PTPRD: variants seen among roughly 807,000 people sequenced by gnomAD.
PTPRD encodes the protein receptor-type tyrosine-protein phosphatase delta.
A neutral mutation model predicts 214.5 loss-of-function variants in PTPRD; 34 were observed. That is an observed-to-expected ratio of 0.16 (90% CI 0.12 to 0.21). The LOEUF is 0.21. PTPRD is among the 10% of genes least tolerant of loss of function. PTPRD has a pLI of 1.00. For synonymous variants in PTPRD, 1,128 were observed against 845.7 expected, an observed-to-expected ratio of 1.33 and a Z score of -5.79; for missense variants, 2,545 against 2,398.7, an observed-to-expected ratio of 1.06 and a Z score of -1.27.
chr9:9,920,421 G>A (rs1602176394), intron 5 of PTPRD, among the ~76,000 whole-genome samples: 1 of 152,068 alleles, frequency 6.6e-6, no homozygotes, highest in African/African-American at 2.4e-5. Context: ...ATTTCTCACT[G>A]ATGTTGAAAA....
At chr9:9,319,617 T>A (rs1965368352) in intron 9 of PTPRD, among the ~76,000 whole-genome samples, 1 of 152,182 alleles carries the variant, frequency 6.6e-6, no homozygotes, top group South Asian at 2.1e-4. Context: ...CTTCATACTT[T>A]ACCAAGTGTA....
In PTPRD at chr9:10,439,446, G is replaced by C. The variant is rs543006409; in HGVS notation, c.-599-98429C>G. On this transcript the variant is annotated intron_variant, in intron 2 of 45. Transcript: ENST00000381196. ...AAAAAGTACTAGAATGAAAAAGGAA[G>C]ATAAACAGGATTGTTAAGCTTGAAG... is the stretch of plus-strand genomic sequence containing the variant. 2.0e-5 allele frequency among the ~76,000 whole-genome samples: 3 copies of C among 151,824 alleles called. No homozygotes were observed. The East Asian group carries it at 5.8e-4, about 29-fold the overall frequency.
At chr9:10,408,779 TG>T (rs2098403821) in intron 2 of PTPRD, among the ~76,000 whole-genome samples, 1 of 151,708 alleles carries the variant, frequency 6.6e-6, no homozygotes, top group African/African-American at 2.4e-5. Context: ...AAGACTCAGT[TG>T]ACCTTTCCAA....
chr9:9,637,844 C>G lies in PTPRD; in HGVS notation c.-286-63063G>C, dbSNP rs143549008. 6.1e-3 allele frequency among the ~76,000 whole-genome samples: 930 copies of G among 152,250 alleles called. 8 individuals carry two copies. Among genetic ancestry groups the G allele is most frequent in the African/African-American group, 0.022 (898 of 41,548 alleles). ...GTTCCACCCCTGCAGTAGGTCTCGA[C>G]CTGGCACTGAGACTCTCTGAGGCAT... On this transcript the variant is annotated intron_variant, in intron 7 of 45. Transcript: ENST00000381196.
intron 14 of PTPRD, among the ~76,000 whole-genome samples, chr9:8,571,132 C>G (rs1204228816): frequency 2.0e-5 from 3 of 152,002 alleles, no homozygotes; most frequent in African/African-American, 7.2e-5. Context: ...GAGCAATAAG[C>G]CCATTTGGTG....
intron 12 of PTPRD, among the ~76,000 whole-genome samples, chr9:8,657,263 G>C (rs975914887): frequency 2.0e-5 from 3 of 151,172 alleles, no homozygotes; most frequent in Non-Finnish European, 4.4e-5. Flanking sequence ...TGCCTCCCGG[G>C]TTCAAGTGAT....
At chr9:10,594,003 C>A (rs1038695331) in intron 2 of PTPRD, among the ~76,000 whole-genome samples, 1 of 151,844 alleles carries the variant, frequency 6.6e-6, no homozygotes, top group Non-Finnish European at 1.5e-5. Context: ...GTTATTAAAA[C>A]GGGAAGTATT....
intron 2 of PTPRD, among the ~76,000 whole-genome samples, chr9:10,584,555 G>A (rs967873981): frequency 1.3e-5 from 2 of 152,122 alleles, no homozygotes; most frequent in African/African-American, 4.8e-5. Flanking sequence ...GTGAACCCAA[G>A]AACTAATGGT....
At chr9:9,565,671 T>C (rs927692074) in intron 8 of PTPRD, among the ~76,000 whole-genome samples, 2 of 151,980 alleles carry the variant, frequency 1.3e-5, no homozygotes, top group African/African-American at 4.8e-5. Context: ...TTTTAAATCA[T>C]TTTTACATTT....
chr9:10,578,441 G>C (rs576796825), intron 2 of PTPRD, among the ~76,000 whole-genome samples: 1 of 151,952 alleles, frequency 6.6e-6, no homozygotes, highest in Non-Finnish European at 1.5e-5. Context: ...TTTCATTCAT[G>C]TTATACAAAA....
chr9:10,371,377 T>C (rs1335580188), intron 2 of PTPRD, among the ~76,000 whole-genome samples: 4 of 152,120 alleles, frequency 2.6e-5, no homozygotes, highest in Non-Finnish European at 5.9e-5. Flanking sequence ...TTTATTTTCT[T>C]GTACAACTTT....
intron 9 of PTPRD, among the ~76,000 whole-genome samples, chr9:9,354,834 G>A (rs1480190748): frequency 6.6e-6 from 1 of 151,732 alleles, no homozygotes. Flanking sequence ...ATGGAGTTGT[G>A]CATGAAGATA....
chr9:10,188,831 T>C (rs1371620253), intron 3 of PTPRD, among the ~76,000 whole-genome samples: 1 of 152,158 alleles, frequency 6.6e-6, no homozygotes, highest in African/African-American at 2.4e-5. Context: ...ACAACAATTG[T>C]ATCAGTTATT....
intron 2 of PTPRD, among the ~76,000 whole-genome samples, chr9:10,363,991 G>GTTTTTTTGTTTTTTTTTTTTTT (rs1485501417): frequency 8.5e-5 from 3 of 35,132 alleles, no homozygotes; most frequent in African/African-American, 1.2e-4. Flanking sequence ...ACATTTTCGG[G>GTTTTTTTGTTTTTTTTTTTTTT]TTTTTTTTTT....
At chr9:9,931,329 T>A (rs2153926940) in intron 5 of PTPRD, among the ~76,000 whole-genome samples, 1 of 152,280 alleles carries the variant, frequency 6.6e-6, no homozygotes, top group African/African-American at 2.4e-5. Context: ...TTCATCTCAC[T>A]AGGGAGTGCC....
chr9:9,374,840 T>A (rs565705317), intron 9 of PTPRD, among the ~76,000 whole-genome samples: 2 of 152,328 alleles, frequency 1.3e-5, no homozygotes, highest in South Asian at 2.1e-4. Flanking sequence ...CTAAATGCTC[T>A]CATGGTCTTA....
intron 2 of PTPRD, among the ~76,000 whole-genome samples, chr9:10,384,367 A>G (rs1436353292): frequency 1.3e-5 from 2 of 151,756 alleles, no homozygotes; most frequent in East Asian, 3.9e-4. Flanking sequence ...TAGTCTCTAT[A>G]CTTTTTCTTG....
At chr9:8,332,465 C>T (rs529775157) in intron 43 of PTPRD, among the ~76,000 whole-genome samples, 2 of 152,212 alleles carry the variant, frequency 1.3e-5, no homozygotes, top group Non-Finnish European at 2.9e-5. Context: ...ATGCCCTTTT[C>T]TGAAAAAGAG....
intron 11 of PTPRD, among the ~76,000 whole-genome samples, chr9:8,885,173 C>G (rs1285919924): frequency 1.3e-5 from 2 of 152,098 alleles, no homozygotes; most frequent in African/African-American, 4.8e-5. Flanking sequence ...TTTGGAGACC[C>G]TACTCTTCTT....
Sources: gnomAD v4.1 joint callset for allele counts (sites outside exome capture counted in the v4.1 genomes callset) on GRCh38, gnomAD v4.1.1 for gene constraint, MANE v1.5 for transcripts, NCBI Gene and HGNC (gene_info 2026-07-23, HGNC 2026-07-21) for gene names.